Variants in CAMKMT observed in about 807,000 individuals in gnomAD.
CAMKMT encodes CaM KMT.
In CAMKMT, 53 loss-of-function variants were observed where a neutral mutation model predicts 48.0. The ratio of observed to expected loss-of-function variants is 1.10; its 90% CI spans 0.89 to 1.39. The LOEUF (loss-of-function observed/expected upper bound fraction) is 1.39. CAMKMT is among the 40% of genes most tolerant of loss of function. CAMKMT has a pLI of 0.00. For synonymous variants in CAMKMT, 165 were observed against 152.3 expected (o/e 1.08, Z -0.61); for missense variants, 428 against 402.7 (o/e 1.06, Z -0.54).
intron 7 of CAMKMT, among the ~76,000 whole-genome samples, chr2:44,725,546 G>A (rs1283692831): frequency 6.6e-6 from 1 of 152,164 alleles, no homozygotes; most frequent in Non-Finnish European, 1.5e-5. Flanking sequence ...AATTCAAGGT[G>A]GAAGGATCTG....
At chr2:44,589,925 AT>A (rs1332476025) in intron 3 of CAMKMT, among the ~76,000 whole-genome samples, 1,945 of 27,628 alleles carry the variant, frequency 0.07, 73 homozygotes, top group African/African-American at 0.15. Context: ...AAAAAAAAAA[AT>A]TTTAATTTCC....
chr2:44,726,805 G>A (rs1214389247), intron 7 of CAMKMT, among the ~76,000 whole-genome samples: 1 of 152,192 alleles, frequency 6.6e-6, no homozygotes, highest in Non-Finnish European at 1.5e-5. Flanking sequence ...TATGGCAATA[G>A]GTAGGGGTCC....
intron 3 of CAMKMT, among the ~76,000 whole-genome samples, chr2:44,471,897 T>TC (rs1378565394): frequency 6.6e-6 from 1 of 151,940 alleles, no homozygotes. Context: ...AGAAGACTGG[T>TC]CTCAAACTAC....
intron 3 of CAMKMT, among the ~76,000 whole-genome samples, chr2:44,416,121 T>G (rs1250281090): frequency 1.3e-5 from 2 of 152,178 alleles, no homozygotes; most frequent in South Asian, 2.1e-4. Context: ...CATTTATTAT[T>G]TAAAGAAAAA....
At chr2:44,540,313 T>A (rs989428573) in intron 3 of CAMKMT, among the ~76,000 whole-genome samples, 4 of 152,182 alleles carry the variant, frequency 2.6e-5, no homozygotes, top group Admixed American at 1.3e-4. Flanking sequence ...TTTGTCCTTT[T>A]ATCTTACCAT....
At position 44,760,329 on chromosome 2, in the gene CAMKMT, T is replaced by G. The variant is rs1429267421; in HGVS notation, c.763-6101T>G. On this transcript the variant is annotated intron_variant, in intron 9 of 10. Transcript: ENST00000378494. The stretch of plus-strand genomic sequence containing the variant: ...AACAAGAAGTTTGCTCTGGCTGGAG[T>G]GTGAGAGTGTCTGTGGTTTTGAGGT... Among the ~76,000 whole-genome samples the G allele has an allele frequency of 3.3e-5, 5 of 151,792 alleles. No homozygotes were observed. The East Asian group carries it at 9.7e-4, about 29-fold the overall frequency.
chr2:44,436,008 T>C (rs1432180082), intron 3 of CAMKMT, among the ~76,000 whole-genome samples: 1 of 152,222 alleles, frequency 6.6e-6, no homozygotes, highest in Non-Finnish European at 1.5e-5. Flanking sequence ...CTCTGTGAGG[T>C]TAAGGAGATA....
chr2:44,478,227 A>G (rs1668787350), intron 3 of CAMKMT, among the ~76,000 whole-genome samples: 2 of 152,196 alleles, frequency 1.3e-5, no homozygotes, highest in Admixed American at 6.5e-5. Context: ...CATTTCAATA[A>G]TAATTTTATT....
At chr2:44,459,540 T>C (rs779894230) in intron 3 of CAMKMT, among the ~76,000 whole-genome samples, 5 of 152,242 alleles carry the variant, frequency 3.3e-5, no homozygotes, top group Admixed American at 1.3e-4. Flanking sequence ...GTAACTGTTA[T>C]GAAATTTATT....
At chr2:44,455,224 C>T (rs1667497503) in intron 3 of CAMKMT, among the ~76,000 whole-genome samples, 1 of 151,062 alleles carries the variant, frequency 6.6e-6, no homozygotes, top group South Asian at 2.1e-4. Flanking sequence ...ACTGGGGATT[C>T]CAGGACGAAG....
rs199608643 is a variant in CAMKMT, at chr2:44,462,072, T to C, written c.376+71767T>C. On this transcript the variant is annotated intron_variant, in intron 3 of 10. Coordinates refer to ENST00000378494, the MANE Select transcript of CAMKMT (RefSeq NM_024766.5). ...TCTTTGGAGAAGACAATAACATTAT[T>C]CTGTAAGTATCAAACTGATATTAAA... is the stretch of plus-strand genomic sequence containing the variant. 5.9e-5 allele frequency among the ~76,000 whole-genome samples: 9 copies of C among 152,340 alleles called. No individual in the cohort carries two copies. In the East Asian group the frequency reaches 1.5e-3, roughly 26 times the overall value.
chr2:44,736,798 A>G (rs1679378855), intron 7 of CAMKMT, among the ~76,000 whole-genome samples: 1 of 151,916 alleles, frequency 6.6e-6, no homozygotes, highest in South Asian at 2.1e-4. Flanking sequence ...ATCTTATCCA[A>G]TGTATTGTTC....
intron 3 of CAMKMT, among the ~76,000 whole-genome samples, chr2:44,461,071 C>T (rs1256300871): frequency 6.6e-6 from 1 of 152,140 alleles, no homozygotes; most frequent in East Asian, 1.9e-4. Context: ...AGAGATTCTA[C>T]TCTGACCAAG....
At chr2:44,768,649 G>T (rs1680966312) in intron 10 of CAMKMT, among the ~76,000 whole-genome samples, 1 of 152,122 alleles carries the variant, frequency 6.6e-6, no homozygotes, top group Admixed American at 6.5e-5. Flanking sequence ...CAGCACCCCT[G>T]CCCCTCCAGC....
At chr2:44,510,417 A>G (rs938886788) in intron 3 of CAMKMT, among the ~76,000 whole-genome samples, 4 of 152,224 alleles carry the variant, frequency 2.6e-5, no homozygotes, top group South Asian at 2.1e-4. Context: ...TCAGTGAATC[A>G]TACTGGGGCT....
At chr2:44,528,843 T>G in intron 3 of CAMKMT, among the ~76,000 whole-genome samples, 1 of 152,094 alleles carries the variant, frequency 6.6e-6, no homozygotes, top group East Asian at 1.9e-4. Flanking sequence ...ACTTAAGAAG[T>G]TTGATCTGAT....
intron 3 of CAMKMT, among the ~76,000 whole-genome samples, chr2:44,631,067 A>G (rs994088691): frequency 6.4e-4 from 97 of 152,388 alleles, no homozygotes; most frequent in African/African-American, 2.0e-3. Flanking sequence ...CTATGCAGCC[A>G]TAAAAAATGA....
Position 44,672,812 on chromosome 2 carries a change from CA to C in CAMKMT, c.377-31462del, listed in dbSNP as rs1207452383. On this transcript the variant is annotated intron_variant, in intron 3 of 10. Coordinates refer to ENST00000378494, the MANE Select transcript of CAMKMT (RefSeq NM_024766.5). ...ATGTACAAGTACCTTATTAATCATCCAAAAAAAAAGCCTAAGCAATAACAGT... is the reference window on the plus strand; with the variant it reads ...ATGTACAAGTACCTTATTAATCATCCAAAAAAAAGCCTAAGCAATAACAGT... Among the ~76,000 whole-genome samples, 8 of 150,280 alleles carry C rather than the reference CA, an allele frequency of 5.3e-5. No homozygotes were observed. The East Asian group carries it at 1.2e-3, about 22-fold the overall frequency.
chr2:44,594,934 A>G (rs1243470174), intron 3 of CAMKMT, among the ~76,000 whole-genome samples: 2 of 152,232 alleles, frequency 1.3e-5, no homozygotes, highest in South Asian at 2.1e-4. Flanking sequence ...GGTGATATCC[A>G]GAATCTACAA....
Sources: allele counts gnomAD v4.1 joint callset (sites outside exome capture counted in the v4.1 genomes callset), GRCh38; gene constraint gnomAD v4.1.1; transcripts MANE v1.5; gene names NCBI Gene and HGNC (gene_info 2026-07-23, HGNC 2026-07-21).